The following DCAF10 variants were observed in gnomAD, a reference collection of about 807,000 sequenced individuals.
DCAF10 encodes the protein DDB1- and CUL4-associated factor 10.
DCAF10 carries 19 observed loss-of-function variants against 51.9 expected under a neutral mutation model. The ratio of observed to expected loss-of-function variants is 0.37; its 90% CI spans 0.26 to 0.54. The LOEUF (loss-of-function observed/expected upper bound fraction) is 0.54, where lower values mean the gene tolerates loss of function less well. Ranked by LOEUF, DCAF10 falls within the 20% of genes least tolerant of loss-of-function variation. The probability of loss-of-function intolerance (pLI) is 0.87; values close to 1 mark genes in which losing one functional copy is unlikely to be tolerated. For synonymous variants in DCAF10, 291 were observed against 297.1 expected (o/e 0.98, Z 0.21); for missense variants, 510 against 730.6 (o/e 0.70, Z 3.48).
In DCAF10 at chr9:37,801,610, G is replaced by A. The variant is rs1828949728; in HGVS notation, c.539+205G>A. ...CAGCTTTTTGAGGCAGGCAGGCGGG[G>A]CCCCACTTGCTCGCCTTCAGGACTT... On this transcript the variant is annotated intron_variant, in intron 1 of 6. Coordinates refer to ENST00000377724, the MANE Select transcript of DCAF10 (RefSeq NM_024345.5). This position sits in a 1 kb window ranked among gnomAD's most constrained non-coding sequence, Gnocchi z 5.5. Among the ~76,000 whole-genome samples, 2 of 152,198 alleles carry A rather than the reference G, an allele frequency of 1.3e-5. No individual in the cohort carries two copies. The highest frequency in any genetic ancestry group is 6.5e-5 in the Admixed American group (1 of 15,288).
At chr9:37,812,170 C>A (rs1278844580) in intron 1 of DCAF10, among the ~76,000 whole-genome samples, 2 of 65,330 alleles carry the variant, frequency 3.1e-5, no homozygotes, top group Non-Finnish European at 7.9e-5. Flanking sequence ...CACTCCAAAC[C>A]TTCTGAAACA....
chr9:37,842,359 G>A (rs1006962165), intron 3 of DCAF10, 73 bp downstream of exon 3: 22 of 1,426,474 alleles, frequency 1.5e-5, no homozygotes, highest in Non-Finnish European at 1.8e-5. Flanking sequence ...CAAATTCAGT[G>A]TTCTGTCCTA....
chr9:37,850,942 T>TA (rs1387175190), intron 3 of DCAF10, among the ~76,000 whole-genome samples: 2 of 145,448 alleles, frequency 1.4e-5, no homozygotes, highest in South Asian at 2.2e-4. Flanking sequence ...TGTACACCAT[T>TA]AAAAAAACTC....
rs1369863852 is a variant in DCAF10, at chr9:37,828,225, G to A, written c.653+8824G>A. The stretch of plus-strand genomic sequence containing the variant: ...TATCTAACCACAATCCAGCACTCGT[G>A]CATGTGTGGGACCCAAATTCACACT... On this transcript the variant is annotated intron_variant, in intron 2 of 6. Coordinates refer to ENST00000377724, the MANE Select transcript of DCAF10 (RefSeq NM_024345.5). Among the ~76,000 whole-genome samples, 8 of 152,254 alleles carry A rather than the reference G, an allele frequency of 5.3e-5. No individual in the cohort carries two copies. In the South Asian group the frequency reaches 1.5e-3, roughly 28 times the overall value.
chr9:37,820,375 C>T (rs1232518698), intron 2 of DCAF10, among the ~76,000 whole-genome samples: 1 of 152,148 alleles, frequency 6.6e-6, no homozygotes, highest in Non-Finnish European at 1.5e-5. Flanking sequence ...AGTTTTGCTC[C>T]TGTCAGGTAA....
At chr9:37,844,461 G>C (rs1221733696) in intron 3 of DCAF10, among the ~76,000 whole-genome samples, 1 of 152,206 alleles carries the variant, frequency 6.6e-6, no homozygotes, top group East Asian at 1.9e-4. Flanking sequence ...GACCAGCCTG[G>C]CCAGCACGCA....
chr9:37,811,325 C>G (rs896160478), intron 1 of DCAF10, among the ~76,000 whole-genome samples: 2 of 152,136 alleles, frequency 1.3e-5, no homozygotes, highest in Non-Finnish European at 2.9e-5. Flanking sequence ...AAGCAAGACC[C>G]TGTCTCTAAA....
At chr9:37,812,652 T>C (rs888522557) in intron 1 of DCAF10, among the ~76,000 whole-genome samples, 1 of 152,194 alleles carries the variant, frequency 6.6e-6, no homozygotes, top group African/African-American at 2.4e-5. Context: ...TTCATTTTTT[T>C]AGACAGAGTC....
intron 2 of DCAF10, among the ~76,000 whole-genome samples, chr9:37,819,816 C>T (rs965346814): frequency 2.0e-4 from 31 of 152,154 alleles, no homozygotes; most frequent in Non-Finnish European, 2.5e-4. Flanking sequence ...CATGCACAGA[C>T]AATTTCTCTG....
chr9:37,857,638 G>C (rs1830891080), intron 5 of DCAF10, among the ~76,000 whole-genome samples: 1 of 152,188 alleles, frequency 6.6e-6, no homozygotes, highest in South Asian at 2.1e-4. Context: ...TTTCAATCAA[G>C]ATTGTTGTGA....
intron 1 of DCAF10, among the ~76,000 whole-genome samples, chr9:37,808,510 A>G (rs12344070): frequency 8.4e-6 from 1 of 119,666 alleles, no homozygotes; most frequent in Non-Finnish European, 1.7e-5. Flanking sequence ...TAAAACATAT[A>G]TTTATATAAT....
intron 1 of DCAF10, among the ~76,000 whole-genome samples, chr9:37,804,110 A>G (rs1478020235): frequency 7.2e-5 from 11 of 152,018 alleles, no homozygotes; most frequent in Non-Finnish European, 2.9e-5. Flanking sequence ...GATAATTCAC[A>G]TATTGGAAAA....
At chr9:37,819,454 G>C in intron 2 of DCAF10, 53 bp downstream of exon 2, 2 of 1,341,746 alleles carry the variant, frequency 1.5e-6, no homozygotes, top group Non-Finnish European at 2.1e-6. Context: ...AAAATGTTCT[G>C]TTTTGGAAGT....
intron 1 of DCAF10, among the ~76,000 whole-genome samples, chr9:37,802,964 G>C (rs974305555): frequency 2.0e-5 from 3 of 152,124 alleles, no homozygotes; most frequent in African/African-American, 7.2e-5. Flanking sequence ...TTCAGAAGCA[G>C]CTATTTCTAC....
At chr9:37,822,700 G>A (rs1829741902) in intron 2 of DCAF10, among the ~76,000 whole-genome samples, 1 of 152,074 alleles carries the variant, frequency 6.6e-6, no homozygotes. Flanking sequence ...AGTGTATACT[G>A]CTTGGGTGAT....
chr9:37,836,165 G>A, intron 2 of DCAF10: 1 of 1,411,618 alleles, frequency 7.1e-7, no homozygotes, highest in Non-Finnish European at 1.0e-6. Flanking sequence ...TCATATCAGT[G>A]CATATTTATA....
At chr9:37,830,218 T>C (rs1829968437) in intron 2 of DCAF10, among the ~76,000 whole-genome samples, 1 of 152,212 alleles carries the variant, frequency 6.6e-6, no homozygotes, top group African/African-American at 2.4e-5. Flanking sequence ...CAGCATCTGA[T>C]ACACATCTCA....
At chr9:37,821,090 C>CATATATATATATATATATATAT (rs144524647) in intron 2 of DCAF10, among the ~76,000 whole-genome samples, 2 of 150,334 alleles carry the variant, frequency 1.3e-5, no homozygotes, top group African/African-American at 4.9e-5. Context: ...CATATACAAA[C>CATATATATATATATATATATAT]ATATATATAT....
At chr9:37,854,086 T>G (rs1830774783) in intron 3 of DCAF10, among the ~76,000 whole-genome samples, 1 of 152,014 alleles carries the variant, frequency 6.6e-6, no homozygotes, top group African/African-American at 2.4e-5. Context: ...CATCTCATTT[T>G]TGAAGTTTCA....
Sources: gnomAD v4.1 joint callset for allele counts (sites outside exome capture counted in the v4.1 genomes callset) on GRCh38, gnomAD v4.1.1 for gene constraint, Gnocchi (gnomAD v3.1) non-coding constraint, MANE v1.5 for transcripts, NCBI Gene and HGNC (gene_info 2026-07-23, HGNC 2026-07-21) for gene names.